The following OLA1 variants were observed in gnomAD, a reference collection of about 807,000 sequenced individuals.
OLA1 encodes the protein obg-like ATPase 1.
A neutral mutation model predicts 48.4 loss-of-function variants in OLA1; 14 were observed. The observed-to-expected ratio is 0.29, with a 90% CI of 0.19 to 0.45. OLA1 has a LOEUF of 0.45. Ranked by LOEUF, OLA1 falls within the 20% of genes least tolerant of loss-of-function variation. The pLI, the probability that OLA1 is intolerant of heterozygous loss-of-function variation, is 1.00. For synonymous variants in OLA1, 127 were observed against 150.4 expected (o/e 0.84, Z 1.14); for missense variants, 325 against 467.1 (o/e 0.70, Z 2.80).
intron 4 of OLA1, among the ~76,000 whole-genome samples, chr2:174,179,367 G>T (rs1192045655): frequency 6.6e-6 from 1 of 151,796 alleles, no homozygotes; most frequent in African/African-American, 2.4e-5. Context: ...ACTGACTGCA[G>T]TTTATTAAAT....
At chr2:174,151,478 T>A (rs947902797) in intron 4 of OLA1, among the ~76,000 whole-genome samples, 1 of 152,192 alleles carries the variant, frequency 6.6e-6, no homozygotes, top group Non-Finnish European at 1.5e-5. Context: ...GTTTTGAGTA[T>A]TTATATTCTA....
chr2:174,084,074 C>T (rs1464734549), intron 7 of OLA1, among the ~76,000 whole-genome samples: 3 of 152,302 alleles, frequency 2.0e-5, no homozygotes, highest in South Asian at 2.1e-4. Context: ...ATTCCTCTAC[C>T]GCCAATGTGA....
Position 174,081,154 on chromosome 2 carries a change from T to A in OLA1, c.964A>T (p.Arg322Trp). ...GPDEVRAWTI[R>W]KGTKAPQAAG... ...TGATGAATAAGTATGAATCTTACCC[T>A]GATGGTCCATGCACGCACTTCATCT... Residue 322 changes from arginine (R) to tryptophan (W), a missense_variant and splice_region_variant, in exon 9 of 11, where the codon AGG becomes TGG. By Grantham distance (101) the Arg-to-Trp change is moderately radical. Coordinates refer to ENST00000284719, the MANE Select transcript of OLA1 (RefSeq NM_013341.5). 6.2e-7 allele frequency: 1 copy of A among 1,609,866 alleles called. No individual in the cohort carries two copies.
At chr2:174,195,013 C>T (rs1574543149) in intron 4 of OLA1, among the ~76,000 whole-genome samples, 1 of 151,976 alleles carries the variant, frequency 6.6e-6, no homozygotes, top group Non-Finnish European at 1.5e-5. Context: ...AAGGGACCCA[C>T]GATATGGTCT....
chr2:174,197,301 A>T (rs1477337175), intron 4 of OLA1, among the ~76,000 whole-genome samples: 1 of 152,076 alleles, frequency 6.6e-6, no homozygotes, highest in Non-Finnish European at 1.5e-5. Flanking sequence ...GCAGTTTCTC[A>T]CTGATGGCAA....
chr2:174,207,245 T>C (rs1688136628), intron 4 of OLA1, among the ~76,000 whole-genome samples: 1 of 152,150 alleles, frequency 6.6e-6, no homozygotes, highest in Non-Finnish European at 1.5e-5. Flanking sequence ...TTAGAAACTA[T>C]TTTTTCATCA....
intron 5 of OLA1, among the ~76,000 whole-genome samples, chr2:174,138,826 C>G (rs1191151282): frequency 1.3e-5 from 2 of 152,206 alleles, no homozygotes; most frequent in East Asian, 3.8e-4. Context: ...AATCTGCTAA[C>G]AGCTACATAT....
intron 5 of OLA1, among the ~76,000 whole-genome samples, chr2:174,123,990 A>G (rs1274289381): frequency 6.6e-6 from 1 of 152,212 alleles, no homozygotes; most frequent in Non-Finnish European, 1.5e-5. Flanking sequence ...TAGTGATGCC[A>G]TATAGAAGAC....
chr2:174,206,554 A>G (rs1187141044), intron 4 of OLA1, among the ~76,000 whole-genome samples: 2 of 152,174 alleles, frequency 1.3e-5, no homozygotes, highest in African/African-American at 2.4e-5. Flanking sequence ...GTCAGAAAAG[A>G]TATTCCAGAA....
At chr2:174,127,250 CTTCCATACCCTGGCATATT>C (rs1271261570) in intron 5 of OLA1, among the ~76,000 whole-genome samples, 1 of 152,186 alleles carries the variant, frequency 6.6e-6, no homozygotes, top group African/African-American at 2.4e-5. Flanking sequence ...TTCATGTTCT[CTTCCATACCCTGGCATATT>C]TGTCTTCCTT....
At chr2:174,158,066 C>T (rs970855615) in intron 4 of OLA1, among the ~76,000 whole-genome samples, 1 of 152,174 alleles carries the variant, frequency 6.6e-6, no homozygotes, top group Non-Finnish European at 1.5e-5. Flanking sequence ...CCTCAACTGG[C>T]CCAACAAAAT....
intron 4 of OLA1, among the ~76,000 whole-genome samples, chr2:174,148,168 C>A (rs1431793712): frequency 6.6e-6 from 1 of 152,194 alleles, no homozygotes; most frequent in African/African-American, 2.4e-5. Context: ...GGGCAGATAA[C>A]CTGAGGTCAG....
chr2:174,223,765 CAAAAAAAAAAAAAA>C (rs71021680), intron 3 of OLA1, among the ~76,000 whole-genome samples: 15 of 73,346 alleles, frequency 2.0e-4, no homozygotes, highest in African/African-American at 7.6e-4. Context: ...GTTATATAGA[CAAAAAAAAAAAAAA>C]AAAAAAAAAG....
chr2:174,247,522 A>G, intron 1 of OLA1: 1 of 1,240,836 alleles, frequency 8.1e-7, no homozygotes, highest in Non-Finnish European at 1.1e-6. Context: ...ATTTGGAAGC[A>G]AGTACACAGA....
At position 174,210,248 on chromosome 2, in the gene OLA1, A is replaced by G. The variant is rs957130991; in HGVS notation, c.373+12785T>C. 3.9e-5 allele frequency among the ~76,000 whole-genome samples: 6 copies of G among 152,210 alleles called. 1 individual carries two copies. Among genetic ancestry groups the G allele is most frequent in the Admixed American group, 3.9e-4 (6 of 15,286 alleles). On this transcript the variant is annotated intron_variant, in intron 4 of 10. Transcript: ENST00000284719. The stretch of plus-strand genomic sequence containing the variant: ...TGTACAACATACATGTGCTACACAT[A>G]TAATCAGGAGAAGAAAAGCATATGT...
chr2:174,082,109 G>A (rs189325907), intron 7 of OLA1, 45 bp from the exon 8 acceptor site: 4 of 1,594,544 alleles, frequency 2.5e-6, no homozygotes, highest in Admixed American at 1.7e-5. Context: ...GTGCATGCAT[G>A]ACTGTACCAC....
At chr2:174,102,755 T>C (rs192368845) in intron 7 of OLA1, among the ~76,000 whole-genome samples, 120 of 152,322 alleles carry the variant, frequency 7.9e-4, no homozygotes, top group African/African-American at 2.7e-3. Flanking sequence ...CATTTACTAC[T>C]TAATGATTTC....
intron 7 of OLA1, among the ~76,000 whole-genome samples, chr2:174,112,602 A>G (rs746950414): frequency 2.6e-5 from 4 of 152,116 alleles, no homozygotes; most frequent in Admixed American, 1.3e-4. Context: ...ATGAGGGCTC[A>G]CCCCTTATGA....
chr2:174,192,952 C>T (rs747566519), intron 4 of OLA1, among the ~76,000 whole-genome samples: 7 of 152,120 alleles, frequency 4.6e-5, no homozygotes, highest in Admixed American at 1.3e-4. Flanking sequence ...AGCTTGAATA[C>T]TACATGTCCA....
Sources: allele counts gnomAD v4.1 joint callset (sites outside exome capture counted in the v4.1 genomes callset), GRCh38; gene constraint gnomAD v4.1.1; transcripts MANE v1.5; gene names NCBI Gene and HGNC (gene_info 2026-07-23, HGNC 2026-07-21).